VRK2: variants seen among roughly 807,000 people sequenced by gnomAD.
The protein encoded by VRK2 is VRK serine/threonine kinase 2.
In VRK2, 60 loss-of-function variants were observed where a neutral mutation model predicts 57.6. The observed-to-expected ratio is 1.04, with a 90% CI of 0.85 to 1.29. The LOEUF (loss-of-function observed/expected upper bound fraction) is 1.29. Ranked by LOEUF, VRK2 falls within the 50% of genes most tolerant of loss-of-function variation. The probability of loss-of-function intolerance (pLI) is 0.00; values close to 1 mark genes in which losing one functional copy is unlikely to be tolerated. For synonymous variants in VRK2, 231 were observed against 199.2 expected (o/e 1.16, Z -1.35); for missense variants, 705 against 588.1 (o/e 1.20, Z -2.06).
chr2:57,922,809 C>G (rs1027296919), intron 1 of VRK2, among the ~76,000 whole-genome samples: 2 of 151,488 alleles, frequency 1.3e-5, no homozygotes, highest in Non-Finnish European at 3.0e-5. Context: ...TTATAGGTAC[C>G]CTGTTATGCT....
chr2:57,990,548 G>A (rs1037835982), intron 1 of VRK2, among the ~76,000 whole-genome samples: 1 of 152,138 alleles, frequency 6.6e-6, no homozygotes, highest in Non-Finnish European at 1.5e-5. Context: ...TCATCAAAAA[G>A]ATCATCAGAA....
intron 1 of VRK2, among the ~76,000 whole-genome samples, chr2:58,021,301 G>A (rs1380645235): frequency 1.3e-5 from 2 of 151,966 alleles, no homozygotes; most frequent in Non-Finnish European, 2.9e-5. Context: ...TCTAACCAGG[G>A]ACCCACTGAG....
chr2:57,944,540 T>A (rs895953728), intron 1 of VRK2, among the ~76,000 whole-genome samples: 6 of 152,066 alleles, frequency 3.9e-5, no homozygotes, highest in Admixed American at 3.9e-4. Context: ...ATCAAGACCA[T>A]CCTGGCTAAC....
At chr2:58,081,297 A>G (rs1317857311) in intron 2 of VRK2, among the ~76,000 whole-genome samples, 2 of 151,974 alleles carry the variant, frequency 1.3e-5, no homozygotes, top group Non-Finnish European at 2.9e-5. Context: ...AAACTGTGTC[A>G]TAACTGTGTG....
At chr2:58,071,083 A>G (rs913130992) in intron 2 of VRK2, among the ~76,000 whole-genome samples, 1 of 151,998 alleles carries the variant, frequency 6.6e-6, no homozygotes, top group Non-Finnish European at 1.5e-5. Flanking sequence ...ATCTTTTCGT[A>G]TGTTTATTTT....
intron 12 of VRK2, among the ~76,000 whole-genome samples, chr2:58,153,886 ATATT>A (rs1396987623): frequency 6.6e-6 from 1 of 152,126 alleles, no homozygotes; most frequent in Non-Finnish European, 1.5e-5. Context: ...GACTATTCAG[ATATT>A]TATTTCAAGA....
chr2:58,030,745 A>G (rs1674087147), intron 2 of VRK2, among the ~76,000 whole-genome samples: 1 of 152,094 alleles, frequency 6.6e-6, no homozygotes. Flanking sequence ...ACAAGCAAGT[A>G]ATAGCATGGG....
chr2:58,137,173 C>CATATATATG (rs1181404531), intron 10 of VRK2, among the ~76,000 whole-genome samples: 1 of 704 alleles, frequency 1.4e-3, no homozygotes, highest in African/African-American at 2.8e-3. Context: ...TATCATATAT[C>CATATATATG]ATATATATCA....
intron 1 of VRK2, among the ~76,000 whole-genome samples, chr2:57,931,040 A>C (rs1460517986): frequency 2.0e-5 from 3 of 152,116 alleles, no homozygotes; most frequent in African/African-American, 7.2e-5. Flanking sequence ...ATGTCCACTC[A>C]TCCATCAAGG....
intron 1 of VRK2, among the ~76,000 whole-genome samples, chr2:57,992,108 A>G (rs1343718111): frequency 6.6e-6 from 1 of 152,212 alleles, no homozygotes; most frequent in African/African-American, 2.4e-5. Flanking sequence ...TAGTTGTATA[A>G]TCCTAAATTT....
At chr2:57,912,932 A>G (rs1249235112) in intron 1 of VRK2, among the ~76,000 whole-genome samples, 1 of 152,152 alleles carries the variant, frequency 6.6e-6, no homozygotes, top group East Asian at 1.9e-4. Context: ...TATTAAAAAG[A>G]TCCCAGAAAG....
At chr2:57,988,323 T>C (rs763809869) in intron 1 of VRK2, among the ~76,000 whole-genome samples, 20 of 152,228 alleles carry the variant, frequency 1.3e-4, no homozygotes, top group Non-Finnish European at 2.1e-4. Flanking sequence ...TCTTCAGCAA[T>C]GAGTCAAGTC....
At chr2:58,071,274 C>T (rs1375121279) in intron 2 of VRK2, among the ~76,000 whole-genome samples, 1 of 152,008 alleles carries the variant, frequency 6.6e-6, no homozygotes, top group Non-Finnish European at 1.5e-5. Context: ...TTAACAGTGT[C>T]TTTGACAGAG....
intron 1 of VRK2, among the ~76,000 whole-genome samples, chr2:58,048,270 C>T (rs1328373386): frequency 6.6e-6 from 1 of 152,016 alleles, no homozygotes; most frequent in Non-Finnish European, 1.5e-5. Context: ...GAACTGATGG[C>T]CTAGTATTCT....
chr2:58,045,861 G>A (rs1674701498), upstream of VRK2, among the ~76,000 whole-genome samples: 1 of 151,620 alleles, frequency 6.6e-6, no homozygotes, highest in South Asian at 2.1e-4. Flanking sequence ...TCTTTCCTTC[G>A]AGACTGAGTT....
chr2:57,985,513 TTTAATA>T (rs1373453755), intron 1 of VRK2, among the ~76,000 whole-genome samples: 2 of 152,062 alleles, frequency 1.3e-5, no homozygotes, highest in African/African-American at 4.8e-5. Context: ...TCAAACATGT[TTTAATA>T]CTGCTCCTAT....
At chr2:58,138,141 G>A (rs2104597999) in intron 10 of VRK2, among the ~76,000 whole-genome samples, 1 of 152,212 alleles carries the variant, frequency 6.6e-6, no homozygotes, top group South Asian at 2.1e-4. Context: ...TCTGGTTAAT[G>A]GAATTGTAAT....
intron 8 of VRK2, among the ~76,000 whole-genome samples, chr2:58,127,335 T>G (rs546874701): frequency 6.6e-5 from 10 of 152,128 alleles, no homozygotes; most frequent in Non-Finnish European, 1.2e-4. Flanking sequence ...CTTGGCCTTT[T>G]GATTGGGTTA....
chr2:58,122,398 A>G (rs921377205), intron 7 of VRK2, among the ~76,000 whole-genome samples: 6 of 152,236 alleles, frequency 3.9e-5, no homozygotes, highest in African/African-American at 1.4e-4. Context: ...TAAACAATCG[A>G]GTAATACATA....
Sources: gnomAD v4.1 joint callset for allele counts (sites outside exome capture counted in the v4.1 genomes callset) on GRCh38, gnomAD v4.1.1 for gene constraint, MANE v1.5 for transcripts, NCBI Gene and HGNC (gene_info 2026-07-23, HGNC 2026-07-21) for gene names.